GRM1: variants seen among roughly 807,000 people sequenced by gnomAD.
GRM1 encodes the protein metabotropic glutamate receptor 1.
Under a neutral mutation model 90.9 loss-of-function variants are expected in GRM1, and 33 were observed. That is an observed-to-expected ratio of 0.36 (90% CI 0.28 to 0.49). GRM1 has a LOEUF of 0.49. Among genes scored for constraint, GRM1 ranks in the 20% least tolerant of loss-of-function variants. The pLI is 0.99. For missense variants in GRM1, 1,190 were observed against 1,534.3 expected, an observed-to-expected ratio of 0.78 and a Z score of 3.75; for synonymous variants, 700 against 613.2, an observed-to-expected ratio of 1.14 and a Z score of -2.09.
chr6:146,137,035 T>A (rs762756648), intron 1 of GRM1, among the ~76,000 whole-genome samples: 4 of 152,104 alleles, frequency 2.6e-5, no homozygotes, highest in Middle Eastern at 3.4e-3. Flanking sequence ...GTATTTTTAG[T>A]AGAGACAGGG....
intron 2 of GRM1, among the ~76,000 whole-genome samples, chr6:146,208,444 TAAAC>T (rs2114637849): frequency 6.6e-6 from 1 of 152,298 alleles, no homozygotes; most frequent in East Asian, 1.9e-4. Flanking sequence ...AAGTCATTCT[TAAAC>T]AAGTAACATT....
intron 5 of GRM1, among the ~76,000 whole-genome samples, chr6:146,366,102 C>A (rs1455385462): frequency 1.3e-5 from 2 of 152,112 alleles, no homozygotes; most frequent in African/African-American, 4.8e-5. Flanking sequence ...TGATACAGTG[C>A]CTGACACATT....
intron 2 of GRM1, among the ~76,000 whole-genome samples, chr6:146,236,133 G>A (rs2114716997): frequency 6.6e-6 from 1 of 152,166 alleles, no homozygotes; most frequent in South Asian, 2.1e-4. Context: ...GCAGTCCTCT[G>A]TAATAGAAAT....
chr6:146,215,494 T>C (rs550348607), intron 2 of GRM1, among the ~76,000 whole-genome samples: 5 of 152,254 alleles, frequency 3.3e-5, no homozygotes, highest in African/African-American at 1.2e-4. Context: ...AAGCAACAAA[T>C]AGATGTGAAT....
At chr6:146,233,977 CTAT>C (rs1178321704) in intron 2 of GRM1, among the ~76,000 whole-genome samples, 4 of 151,970 alleles carry the variant, frequency 2.6e-5, no homozygotes, top group Non-Finnish European at 5.9e-5. Context: ...TTATAAGGTT[CTAT>C]TATTAGATCC....
Position 146,397,466 on chromosome 6 carries a change from C to T in GRM1, c.1730-1303C>T, listed in dbSNP as rs142560808. Among the ~76,000 whole-genome samples, 933 of 122,684 alleles carry T rather than the reference C, an allele frequency of 7.6e-3. 17 individuals carry two copies. Among genetic ancestry groups the T allele is most frequent in the Middle Eastern group, 0.032 (7 of 216 alleles). The allele number at this position is 122,684 out of a possible 152,430, so 80.5% of individuals were successfully genotyped here. On this transcript the variant is annotated intron_variant, in intron 6 of 7. Transcript: ENST00000282753. ...TCCAGCCTGGGCAACAGAGTGAGAC[C>T]CCGTCTCAAAAAAAAAAGAAAAAAA...
intron 2 of GRM1, among the ~76,000 whole-genome samples, chr6:146,185,499 A>G (rs1778701338): frequency 6.6e-6 from 1 of 152,152 alleles, no homozygotes; most frequent in African/African-American, 2.4e-5. Context: ...TACCCTTTGT[A>G]GGCATCTCTG....
At chr6:146,380,946 C>A (rs911247650) in intron 5 of GRM1, among the ~76,000 whole-genome samples, 2 of 152,192 alleles carry the variant, frequency 1.3e-5, no homozygotes, top group African/African-American at 2.4e-5. Flanking sequence ...AGGGGCTTCA[C>A]AACTCTGATG....
intron 2 of GRM1, among the ~76,000 whole-genome samples, chr6:146,221,547 A>G (rs1407130388): frequency 1.3e-5 from 2 of 152,190 alleles, no homozygotes; most frequent in Admixed American, 6.5e-5. Context: ...ATGGCTGCAT[A>G]GTATTCTATG....
intron 1 of GRM1, among the ~76,000 whole-genome samples, chr6:146,074,642 T>C (rs1311950792): frequency 6.6e-6 from 1 of 152,202 alleles, no homozygotes; most frequent in East Asian, 1.9e-4. Context: ...TGTTTGCTTA[T>C]AGAAGTTAGT....
intron 1 of GRM1, among the ~76,000 whole-genome samples, chr6:146,133,335 A>G (rs1776478938): frequency 6.6e-6 from 1 of 152,218 alleles, no homozygotes; most frequent in African/African-American, 2.4e-5. Context: ...GTGAAAACTA[A>G]TGATGACTTA....
chr6:146,184,917 CTT>C (rs1178588315), intron 2 of GRM1, among the ~76,000 whole-genome samples: 2 of 152,082 alleles, frequency 1.3e-5, no homozygotes, highest in Non-Finnish European at 2.9e-5. Flanking sequence ...CCTGGATAAA[CTT>C]TATTTTATGG....
At chr6:146,270,912 T>TCTTTATTC (rs1782121052) in intron 2 of GRM1, among the ~76,000 whole-genome samples, 1 of 86,814 alleles carries the variant, frequency 1.2e-5, no homozygotes, top group South Asian at 3.7e-4. Flanking sequence ...TTTCTTTCTT[T>TCTTTATTC]CTTCCTTCCT....
chr6:146,041,153 C>A (rs778584070), intron 1 of GRM1, among the ~76,000 whole-genome samples: 5 of 151,892 alleles, frequency 3.3e-5, no homozygotes, highest in Non-Finnish European at 7.4e-5. Context: ...TTATAAATTG[C>A]TTTTATGTGT....
chr6:146,411,678 T>G (rs1380522841), intron 7 of GRM1, among the ~76,000 whole-genome samples: 1 of 152,040 alleles, frequency 6.6e-6, no homozygotes, highest in Non-Finnish European at 1.5e-5. Context: ...GACCTGTGGC[T>G]TTGACAGGTG....
At chr6:146,325,295 G>C (rs1222904185) in intron 3 of GRM1, among the ~76,000 whole-genome samples, 1 of 152,132 alleles carries the variant, frequency 6.6e-6, no homozygotes, top group Non-Finnish European at 1.5e-5. Context: ...TTCTACAGAG[G>C]GATACCAGCT....
rs1245494229 is a variant in GRM1 at position 146,029,706 on chromosome 6, C to G, written c.189C>G (p.Pro63=). The G allele has an allele frequency of 6.2e-7, 1 of 1,614,018 alleles. No individual in the cohort carries two copies. The highest frequency in any genetic ancestry group is 8.5e-7 in the Non-Finnish European group (1 of 1,180,006). ...ACCAGCCTCCGGCCGAGAAAGTGCC[C>G]GAGAGGAAGTGTGGGGAGATCAGGG... is the stretch of plus-strand genomic sequence containing the variant. ...VHHQPPAEKV[P]ERKCGEIREQ... The change falls in exon 1 of 8, where the codon CCC becomes CCG. Residue 63 remains proline (P), a synonymous_variant. Coordinates refer to ENST00000282753, the MANE Select transcript of GRM1 (RefSeq NM_001278064.2).
In GRM1 at chr6:146,286,091, G is replaced by T. The variant is rs989068629; in HGVS notation, c.951-18520G>T. 3.3e-5 allele frequency among the ~76,000 whole-genome samples: 5 copies of T among 152,146 alleles called. No homozygotes were observed. The South Asian group carries it at 6.2e-4, about 19-fold the overall frequency. ...ATTAAAAACAGTGATATCTATATCT[G>T]TCCTGCTATCACAACTGAATCAACA... On this transcript the variant is annotated intron_variant, in intron 2 of 7. Transcript: ENST00000282753.
intron 2 of GRM1, among the ~76,000 whole-genome samples, chr6:146,203,886 T>G (rs1779405211): frequency 6.6e-6 from 1 of 152,256 alleles, no homozygotes; most frequent in Non-Finnish European, 1.5e-5. Flanking sequence ...GCTGTCACCC[T>G]TTGCTAATTC....
Sources: allele counts gnomAD v4.1 joint callset (sites outside exome capture counted in the v4.1 genomes callset), GRCh38; gene constraint gnomAD v4.1.1; transcripts MANE v1.5; gene names NCBI Gene and HGNC (gene_info 2026-07-23, HGNC 2026-07-21).